UBE2H: variants seen among roughly 807,000 people sequenced by gnomAD.
UBE2H encodes ubiquitin-conjugating enzyme E2 H.
A neutral mutation model predicts 29.0 loss-of-function variants in UBE2H; 3 were observed. The observed-to-expected ratio is 0.10, with a 90% CI of 0.05 to 0.27. The LOEUF (loss-of-function observed/expected upper bound fraction) is 0.27, where lower values mean the gene tolerates loss of function less well. Ranked by LOEUF, UBE2H falls within the 10% of genes least tolerant of loss-of-function variation. The pLI is 1.00. For missense variants in UBE2H, 68 were observed against 228.2 expected (o/e 0.30, Z 4.52); for synonymous variants, 69 against 82.9 (o/e 0.83, Z 0.91).
intron 1 of UBE2H, among the ~76,000 whole-genome samples, chr7:129,909,188 A>G (rs1477485775): frequency 6.6e-6 from 1 of 152,240 alleles, no homozygotes; most frequent in Non-Finnish European, 1.5e-5. Flanking sequence ...AAGATCATAA[A>G]GAACTATGTA....
At chr7:129,882,352 A>T (rs1030885527) in intron 1 of UBE2H, among the ~76,000 whole-genome samples, 1 of 152,220 alleles carries the variant, frequency 6.6e-6, no homozygotes, top group Non-Finnish European at 1.5e-5. Context: ...AGCAGTGCAA[A>T]TTATATACTG....
chr7:129,840,952 G>T (rs993474138), intron 5 of UBE2H, among the ~76,000 whole-genome samples: 1 of 152,154 alleles, frequency 6.6e-6, no homozygotes, highest in African/African-American at 2.4e-5. Context: ...GCAATGTCTA[G>T]AGACATTTTT....
chr7:129,890,230 CAT>C (rs566746186), intron 1 of UBE2H, among the ~76,000 whole-genome samples: 2 of 151,496 alleles, frequency 1.3e-5, no homozygotes, highest in Non-Finnish European at 2.9e-5. Context: ...AGTGATACCA[CAT>C]ATATATATAC....
At chr7:129,858,831 T>C (rs1805751861) in intron 4 of UBE2H, 71 bp downstream of exon 4, 3 of 1,455,584 alleles carry the variant, frequency 2.1e-6, no homozygotes, top group South Asian at 1.2e-5. Flanking sequence ...CCGAGGCTTT[T>C]TATAACACAG....
chr7:129,915,275 A>T (rs2116456680), intron 1 of UBE2H, among the ~76,000 whole-genome samples: 1 of 152,226 alleles, frequency 6.6e-6, no homozygotes, highest in South Asian at 2.1e-4. Flanking sequence ...GGTGTCTCAC[A>T]CCTGTAATCC....
At chr7:129,835,300 G>C (rs1044351812) in intron 6 of UBE2H, among the ~76,000 whole-genome samples, 5 of 152,160 alleles carry the variant, frequency 3.3e-5, no homozygotes, top group Non-Finnish European at 5.9e-5. Context: ...CAACACAGCA[G>C]GCTCAGCTTG....
chr7:129,852,936 G>A (rs1352810587), intron 5 of UBE2H, among the ~76,000 whole-genome samples: 1 of 152,134 alleles, frequency 6.6e-6, no homozygotes, highest in East Asian at 1.9e-4. Context: ...TGTTGGTTAT[G>A]GCTGGTCTCG....
chr7:129,943,471 C>T (rs150405334), intron 1 of UBE2H, among the ~76,000 whole-genome samples: 5 of 152,316 alleles, frequency 3.3e-5, no homozygotes, highest in African/African-American at 1.2e-4. Flanking sequence ...CAGCTTTAAC[C>T]AAATTCAGCT....
At chr7:129,924,518 G>C (rs966265884) in intron 1 of UBE2H, among the ~76,000 whole-genome samples, 1 of 151,872 alleles carries the variant, frequency 6.6e-6, no homozygotes, top group African/African-American at 2.4e-5. Context: ...AAGAGAATAA[G>C]ATTCAAAATG....
intron 6 of UBE2H, among the ~76,000 whole-genome samples, chr7:129,838,829 G>T (rs1460916453): frequency 6.6e-6 from 1 of 152,066 alleles, no homozygotes; most frequent in East Asian, 1.9e-4. Context: ...AGTAGAGATG[G>T]GGTTTCACCA....
intron 1 of UBE2H, among the ~76,000 whole-genome samples, chr7:129,909,041 G>T (rs1806876173): frequency 6.6e-6 from 1 of 152,122 alleles, no homozygotes; most frequent in Non-Finnish European, 1.5e-5. Flanking sequence ...TGGAATATTA[G>T]CCATCATCTA....
At chr7:129,860,002 G>C (rs1292215266) in intron 3 of UBE2H, among the ~76,000 whole-genome samples, 4 of 152,222 alleles carry the variant, frequency 2.6e-5, no homozygotes, top group Admixed American at 6.5e-5. Flanking sequence ...CACTGTGGCA[G>C]TGGGACAAGA....
intron 1 of UBE2H, among the ~76,000 whole-genome samples, chr7:129,913,882 G>A (rs1388340866): frequency 6.6e-6 from 1 of 152,150 alleles, no homozygotes; most frequent in Non-Finnish European, 1.5e-5. Context: ...TGACCTCAGA[G>A]GCTCTGTACT....
intron 1 of UBE2H, among the ~76,000 whole-genome samples, chr7:129,883,555 A>T: frequency 6.6e-6 from 1 of 152,218 alleles, no homozygotes; most frequent in East Asian, 1.9e-4. Context: ...TAAAAAAGAA[A>T]AATAGGCTGG....
intron 1 of UBE2H, among the ~76,000 whole-genome samples, chr7:129,937,586 A>T (rs1274114504): frequency 6.6e-6 from 1 of 152,230 alleles, no homozygotes. Context: ...TATTCACAAC[A>T]GCATGACAAA....
chr7:129,877,003 C>T (rs1470696775), intron 3 of UBE2H, among the ~76,000 whole-genome samples: 1 of 152,030 alleles, frequency 6.6e-6, no homozygotes, highest in Non-Finnish European at 1.5e-5. Flanking sequence ...TCTTAAAGAG[C>T]ATATTCCAGA....
At chr7:129,855,815 C>T (rs1022105030) in intron 5 of UBE2H, among the ~76,000 whole-genome samples, 7 of 152,128 alleles carry the variant, frequency 4.6e-5, no homozygotes, top group East Asian at 3.9e-4. Context: ...GAGGACTGTT[C>T]GAGCCTAGGA....
chr7:129,924,432 G>T (rs1807223173), intron 1 of UBE2H, among the ~76,000 whole-genome samples: 1 of 152,012 alleles, frequency 6.6e-6, no homozygotes, highest in Admixed American at 6.6e-5. Context: ...TTCTAAAAAA[G>T]CCCTAGTAAA....
chr7:129,878,539 CG>C (rs1441472615), intron 3 of UBE2H, among the ~76,000 whole-genome samples: 2 of 151,912 alleles, frequency 1.3e-5, no homozygotes, highest in East Asian at 3.9e-4. Context: ...AAAAATTAGC[CG>C]GGTGTGGTGG....
Sources: allele counts gnomAD v4.1 joint callset (sites outside exome capture counted in the v4.1 genomes callset), GRCh38; gene constraint gnomAD v4.1.1; transcripts MANE v1.5; gene names NCBI Gene and HGNC (gene_info 2026-07-23, HGNC 2026-07-21).